The following UBE4A variants were observed in gnomAD, a reference collection of about 807,000 sequenced individuals.
The protein encoded by UBE4A is ubiquitination factor E4A, also known as ubiquitin conjugation factor E4 A.
Under a neutral mutation model 117.9 loss-of-function variants are expected in UBE4A, and 48 were observed. The observed-to-expected ratio is 0.41, with a 90% confidence interval of 0.32 to 0.52. The LOEUF (loss-of-function observed/expected upper bound fraction) is 0.52, where lower values mean the gene tolerates loss of function less well. Ranked by LOEUF, UBE4A falls within the 20% of genes least tolerant of loss-of-function variation. UBE4A has a pLI of 0.33. For synonymous variants in UBE4A, 407 were observed against 450.0 expected, an observed-to-expected ratio of 0.90 and a Z score of 1.21; for missense variants, 1,067 against 1,296.3, an observed-to-expected ratio of 0.82 and a Z score of 2.72.
chr11:118,383,547 C>T (rs145654066), intron 13 of UBE4A, among the ~76,000 whole-genome samples: 68 of 145,090 alleles, frequency 4.7e-4, no homozygotes, highest in African/African-American at 1.6e-3. Flanking sequence ...GAGCTGAGAT[C>T]GCACCACTCC....
At chr11:118,368,380 A>G (rs1275701039) in intron 2 of UBE4A, among the ~76,000 whole-genome samples, 1 of 152,178 alleles carries the variant, frequency 6.6e-6, no homozygotes, top group Non-Finnish European at 1.5e-5. Context: ...TAACTTTGCT[A>G]TTTCTGGCAG....
At chr11:118,388,234 A>G (rs978145767) in intron 16 of UBE4A, among the ~76,000 whole-genome samples, 1 of 152,192 alleles carries the variant, frequency 6.6e-6, no homozygotes, top group African/African-American at 2.4e-5. Flanking sequence ...ATCAAGAACT[A>G]TCAGTACCAA....
chr11:118,362,559 A>G (rs927871673), intron 1 of UBE4A, among the ~76,000 whole-genome samples: 1 of 152,230 alleles, frequency 6.6e-6, no homozygotes, highest in Admixed American at 6.5e-5. Flanking sequence ...TTTAAAAAAC[A>G]TCAAACTGGT....
chr11:118,361,950 C>T (rs745858029), intron 1 of UBE4A, among the ~76,000 whole-genome samples: 1 of 152,084 alleles, frequency 6.6e-6, no homozygotes, highest in Non-Finnish European at 1.5e-5. Flanking sequence ...TACAGCCTAG[C>T]AATGTAGAAG....
intron 11 of UBE4A, among the ~76,000 whole-genome samples, chr11:118,380,749 G>C (rs1948698310): frequency 6.6e-6 from 1 of 152,206 alleles, no homozygotes; most frequent in Non-Finnish European, 1.5e-5. Flanking sequence ...TACAAGCCCA[G>C]TCATGTGGTT....
At chr11:118,386,031 A>AT (rs1447328817) in intron 15 of UBE4A, among the ~76,000 whole-genome samples, 1 of 152,090 alleles carries the variant, frequency 6.6e-6, no homozygotes, top group Non-Finnish European at 1.5e-5. Context: ...TAGAGCTTTG[A>AT]TTTTTTTGTA....
rs782264876 is a variant in UBE4A, at chr11:118,386,474, G to C, written c.2449G>C (p.Asp817His). The part of the protein sequence containing the change: ...SKIKIQQIEK[D>H]RGEWDSLTPE... ...GATAAAGATTCAGCAAATTGAGAAG[G>C]ATCGAGGTGAATGGGATAGTCTGAC... is the stretch of plus-strand genomic sequence containing the variant. Residue 817 changes from aspartate to histidine, a missense_variant, in exon 16 of 20, where the codon GAT becomes CAT. Around this residue, in one of 3 missense-constraint regions of UBE4A, gnomAD observed 1,001 missense variants for 1,184.0 expected, o/e 0.85. Transcript: ENST00000252108. 2.5e-6 allele frequency: 4 copies of C among 1,608,176 alleles called. No homozygotes were observed. The highest frequency in any genetic ancestry group is 3.4e-6 in the Non-Finnish European group (4 of 1,178,126).
intron 11 of UBE4A, among the ~76,000 whole-genome samples, chr11:118,380,905 AAT>A (rs1555126236): frequency 2.0e-5 from 3 of 152,150 alleles, no homozygotes; most frequent in African/African-American, 7.2e-5. Context: ...TTTATACCCT[AAT>A]CTTGGAAATG....
At chr11:118,394,450 C>T (rs1948849661) in intron 19 of UBE4A, among the ~76,000 whole-genome samples, 1 of 152,182 alleles carries the variant, frequency 6.6e-6, no homozygotes, top group Non-Finnish European at 1.5e-5. Context: ...GCATAGCCAC[C>T]TTGTTTGGCC....
intron 8 of UBE4A, among the ~76,000 whole-genome samples, chr11:118,374,052 T>C (rs955595048): frequency 2.0e-5 from 3 of 152,010 alleles, no homozygotes; most frequent in Admixed American, 6.6e-5. Context: ...AGGTCAAGAC[T>C]TCAGTAAGCC....
chr11:118,383,181 T>G (rs1948722043), intron 13 of UBE4A, among the ~76,000 whole-genome samples: 1 of 152,168 alleles, frequency 6.6e-6, no homozygotes, highest in Non-Finnish European at 1.5e-5. Flanking sequence ...TTTGGGTCTT[T>G]ATATTTCTCT....
Position 118,379,799 on chromosome 11 carries a change from T to C in UBE4A, c.1876+49T>C, listed in dbSNP as rs533507841. On this transcript the variant is annotated intron_variant, in intron 11 of 19. Transcript: ENST00000252108. ...TGTCCTGTTTATAGCCTTCTGAGTTTAAGTGGGTCACTTTGGAAGTTTAAT... is the reference window on the plus strand; with the variant it reads ...TGTCCTGTTTATAGCCTTCTGAGTTCAAGTGGGTCACTTTGGAAGTTTAAT... 22 of 1,552,602 alleles carry C rather than the reference T, an allele frequency of 1.4e-5. No homozygotes were observed. The African/African-American group carries it at 2.9e-4, about 20-fold the overall frequency.
intron 11 of UBE4A, among the ~76,000 whole-genome samples, chr11:118,381,060 C>T (rs981722320): frequency 1.3e-5 from 2 of 152,064 alleles, no homozygotes; most frequent in Non-Finnish European, 2.9e-5. Flanking sequence ...ACCACAGTCA[C>T]CTAACATATT....
chr11:118,370,990 A>G (rs1948604114), intron 4 of UBE4A, among the ~76,000 whole-genome samples: 1 of 152,228 alleles, frequency 6.6e-6, no homozygotes, highest in Admixed American at 6.5e-5. Context: ...CACCTCCAAC[A>G]GTGCCACATG....
intron 18 of UBE4A, among the ~76,000 whole-genome samples, chr11:118,392,361 A>G (rs1330903370): frequency 6.6e-6 from 1 of 152,252 alleles, no homozygotes; most frequent in Non-Finnish European, 1.5e-5. Context: ...AGTGACTCTA[A>G]TTATGCAAAT....
intron 15 of UBE4A, among the ~76,000 whole-genome samples, chr11:118,385,389 A>G (rs908006750): frequency 2.6e-5 from 4 of 152,174 alleles, no homozygotes; most frequent in African/African-American, 9.7e-5. Flanking sequence ...TTTTTGCACC[A>G]CTACTTGAAA....
At chr11:118,370,294 A>G (rs1267541208) in intron 4 of UBE4A, among the ~76,000 whole-genome samples, 2 of 151,980 alleles carry the variant, frequency 1.3e-5, no homozygotes, top group East Asian at 3.9e-4. Context: ...TTTCTTCTTT[A>G]TATCCTTTCT....
intron 11 of UBE4A, among the ~76,000 whole-genome samples, 174 bp from the exon 12 acceptor site, chr11:118,381,217 C>G (rs1180083571): frequency 6.6e-6 from 1 of 152,092 alleles, no homozygotes; most frequent in African/African-American, 2.4e-5. Flanking sequence ...TTTAAATTGA[C>G]TTACATTTAA....
chr11:118,394,623 T>A (rs1555129228), intron 19 of UBE4A, among the ~76,000 whole-genome samples: 1 of 151,912 alleles, frequency 6.6e-6, no homozygotes, highest in Non-Finnish European at 1.5e-5. Flanking sequence ...ATACAAAAAT[T>A]AGCCGGGAGT....
Sources: allele counts gnomAD v4.1 joint callset (sites outside exome capture counted in the v4.1 genomes callset), GRCh38; gene constraint gnomAD v4.1.1; regional missense constraint gnomAD v4.1.1; transcripts MANE v1.5; gene names NCBI Gene and HGNC (gene_info 2026-07-23, HGNC 2026-07-21).